Variants in PPT2 observed in about 807,000 individuals in gnomAD.
PPT2 encodes the protein palmitoyl-protein thioesterase 2, also known as lysosomal thioesterase PPT2.
A neutral mutation model predicts 37.3 loss-of-function variants in PPT2; 20 were observed. That is an observed-to-expected ratio of 0.54 (90% confidence interval 0.38 to 0.78). The LOEUF (loss-of-function observed/expected upper bound fraction) is 0.78. PPT2 is among the 30% of genes least tolerant of loss of function. The probability of loss-of-function intolerance (pLI) is 0.00; values close to 1 mark genes in which losing one functional copy is unlikely to be tolerated. For synonymous variants in PPT2, 135 were observed against 159.1 expected (o/e 0.85, Z 1.14); for missense variants, 270 against 389.8 (o/e 0.69, Z 2.59).
In PPT2 at chr6:32,154,412, A is replaced by T; in HGVS notation, c.-9+8A>T. Reference sequence around the variant, plus strand: ...GACTTCGGGTGCGCGTTGGTGCGTCAACGTGGTGGGGGGGTGTGTTTGTAG... The same window carrying T: ...GACTTCGGGTGCGCGTTGGTGCGTCTACGTGGTGGGGGGGTGTGTTTGTAG... On this transcript the variant is annotated splice_region_variant and intron_variant, in intron 1 of 8. Transcript: ENST00000324816. The surrounding 1 kb of genome is among the most constrained non-coding windows in gnomAD (Gnocchi z 7.3). 1 of 1,453,154 alleles carries T rather than the reference A, an allele frequency of 6.9e-7. No individual in the cohort carries two copies. The highest frequency in any genetic ancestry group is 1.5e-5 in the South Asian group (1 of 66,138). The allele number at this position is 1,453,154 out of a possible 1,614,324, so 90.0% of individuals were successfully genotyped here. A position where few individuals can be genotyped will look rare whatever the true frequency, so the allele number is the denominator to read the frequency against.
rs1783705657 is a variant in PPT2, at chr6:32,155,481, C to T, written c.338-207C>T. 6.6e-6 allele frequency among the ~76,000 whole-genome samples: 1 copy of T among 152,150 alleles called. No individual in the cohort carries two copies. Among genetic ancestry groups the T allele is most frequent in the African/African-American group, 2.4e-5 (1 of 41,432 alleles). Reference sequence around the variant, plus strand: ...GAGGCAGGAGGCCCAGCATCTAATTCGGGCTCAGTCACTTATATGATGTGT... The same window carrying T: ...GAGGCAGGAGGCCCAGCATCTAATTTGGGCTCAGTCACTTATATGATGTGT... On this transcript the variant is annotated intron_variant, in intron 3 of 8. Coordinates refer to ENST00000324816, the MANE Select transcript of PPT2 (RefSeq NM_005155.7). The surrounding 1 kb of genome is among the most constrained non-coding windows in gnomAD (Gnocchi z 4.3).
chr6:32,162,558 C>G lies in PPT2; in HGVS notation c.711-10C>G, dbSNP rs1256802118. 1.2e-6 allele frequency: 2 copies of G among 1,605,650 alleles called. No homozygotes were observed. Among genetic ancestry groups the G allele is most frequent in the South Asian group, 2.2e-5 (2 of 90,890 alleles). ...CTCTTCTGATAACCTCCCCCCAAAT[C>G]TCTTTGTAGCTTCTTTGGTTTCTAT... is the stretch of plus-strand genomic sequence containing the variant. On this transcript the variant is annotated splice_polypyrimidine_tract_variant and intron_variant, in intron 7 of 8. Coordinates refer to ENST00000324816, the MANE Select transcript of PPT2 (RefSeq NM_005155.7). This position sits in a 1 kb window ranked among gnomAD's most constrained non-coding sequence, Gnocchi z 5.5.
In PPT2 at chr6:32,155,217, C is replaced by T. The variant is rs779722796; in HGVS notation, c.337+34C>T. 6.2e-7 allele frequency: 1 copy of T among 1,609,222 alleles called. No individual in the cohort carries two copies. Among genetic ancestry groups the T allele is most frequent in the Non-Finnish European group, 8.5e-7 (1 of 1,176,912 alleles). On this transcript the variant is annotated intron_variant, in intron 3 of 8. Coordinates refer to ENST00000324816, the MANE Select transcript of PPT2 (RefSeq NM_005155.7). The surrounding 1 kb of genome is among the most constrained non-coding windows in gnomAD (Gnocchi z 4.3). Reference sequence around the variant, plus strand: ...CTCCCCTGCCCCTAACTCCTAAGCCCTATCTGAGGCTTGATCCTTATCTGA... The same window carrying T: ...CTCCCCTGCCCCTAACTCCTAAGCCTTATCTGAGGCTTGATCCTTATCTGA...
At chr6:32,153,549 G>A, upstream of PPT2, 1 of 1,528,260 alleles carries the variant, frequency 6.5e-7, no homozygotes. This position sits in a 1 kb window ranked among gnomAD's most constrained non-coding sequence, Gnocchi z 4.4. Flanking sequence ...GGAGAAACTG[G>A]GCCAGGCTGC....
rs1561810162 is a variant in PPT2, at chr6:32,154,431, T to A, written c.-9+27T>A. 1.4e-6 allele frequency: 2 copies of A among 1,467,524 alleles called. No individual in the cohort carries two copies. The highest frequency in any genetic ancestry group is 1.8e-6 in the Non-Finnish European group (2 of 1,115,938). 90.9% of individuals were successfully genotyped at this position (1,467,524 alleles called of 1,614,324 possible). On this transcript the variant is annotated intron_variant, in intron 1 of 8. Transcript: ENST00000324816. The surrounding 1 kb of genome is among the most constrained non-coding windows in gnomAD (Gnocchi z 7.3). ...TGCGTCAACGTGGTGGGGGGGTGTG[T>A]TTGTAGGGAGAGGGCTGGAGTAAGT...
rs756693747 is a variant in PPT2 at position 32,155,765 on chromosome 6, C to T, written c.415C>T (p.Gln139Ter). 6.2e-7 allele frequency: 1 copy of T among 1,613,936 alleles called. No homozygotes were observed. The highest frequency in any genetic ancestry group is 8.5e-7 in the Non-Finnish European group (1 of 1,179,828). Residue 139 changes from glutamine to a stop codon, truncating the protein, a stop_gained, in exon 4 of 9, where the codon CAG (glutamine) becomes TAG (stop). Coordinates refer to ENST00000324816, the MANE Select transcript of PPT2 (RefSeq NM_005155.7). LOFTEE classifies it high-confidence loss of function. This position sits in a 1 kb window ranked among gnomAD's most constrained non-coding sequence, Gnocchi z 4.3. ...TTCTTTCATCTCCCTCTCCTCTCCA[C>T]AGATGGGACAGTATGGAGGTGAGTG... ...VDSFISLSSP[Q>*]MGQYGDTDYL...
chr6:32,160,096 G>C (rs1784056261), intron 7 of PPT2, among the ~76,000 whole-genome samples: 1 of 151,696 alleles, frequency 6.6e-6, no homozygotes, highest in South Asian at 2.1e-4. Context: ...CCAGGCTGGA[G>C]TGCAGTGGCG....
At position 32,154,578 on chromosome 6, in the gene PPT2, C is replaced by T. The variant is rs1439237962; in HGVS notation, c.-8-9C>T. 1 of 1,605,856 alleles carries T rather than the reference C, an allele frequency of 6.2e-7. No homozygotes were observed. The highest frequency in any genetic ancestry group is 1.3e-5 in the African/African-American group (1 of 74,764). ...TCTCCCTCACATGCCCTTATCACCC[C>T]TTTCTCAGGCGGGAGCATGCTGGGG... is the stretch of plus-strand genomic sequence containing the variant. On this transcript the variant is annotated splice_polypyrimidine_tract_variant and intron_variant, in intron 1 of 8. Coordinates refer to ENST00000324816, the MANE Select transcript of PPT2 (RefSeq NM_005155.7). This position sits in a 1 kb window ranked among gnomAD's most constrained non-coding sequence, Gnocchi z 7.3.
At chr6:32,161,316 G>A (rs1784139683) in intron 7 of PPT2, among the ~76,000 whole-genome samples, 1 of 152,118 alleles carries the variant, frequency 6.6e-6, no homozygotes, top group Non-Finnish European at 1.5e-5. Flanking sequence ...TTGAGTTGGA[G>A]TTTCACTCTT....
chr6:32,157,227 T>A (rs920611199), intron 5 of PPT2: 3 of 207,406 alleles, frequency 1.4e-5, no homozygotes, highest in Non-Finnish European at 3.0e-5. Context: ...TTATCACTAC[T>A]ATTATTATTT....
At chr6:32,154,059 A>T, upstream of PPT2, 1 of 1,103,472 alleles carries the variant, frequency 9.1e-7, no homozygotes, top group South Asian at 3.6e-5. The surrounding 1 kb of genome is among the most constrained non-coding windows in gnomAD (Gnocchi z 7.3). Context: ...GTTGCGGGGA[A>T]CGCTCGCGCG....
Position 32,154,900 on chromosome 6 carries a change from G to T in PPT2, c.183+123G>T. ...AGTTCCTCAGGGAGCTGGTGCTGGC[G>T]TGGGGGAGAGTTGGGGGACGGGATC... is the stretch of plus-strand genomic sequence containing the variant. On this transcript the variant is annotated intron_variant, in intron 2 of 8. Coordinates refer to ENST00000324816, the MANE Select transcript of PPT2 (RefSeq NM_005155.7). This position sits in a 1 kb window ranked among gnomAD's most constrained non-coding sequence, Gnocchi z 7.3. 6.5e-7 allele frequency: 1 copy of T among 1,529,980 alleles called. No homozygotes were observed. The highest frequency in any genetic ancestry group is 1.2e-5 in the South Asian group (1 of 83,204). The allele number at this position is 1,529,980 out of a possible 1,614,324, so 94.8% of individuals were successfully genotyped here.
rs1279017910 is a variant in PPT2 at position 32,155,570 on chromosome 6, GTCTGTGTGTGTC to G, written c.338-106_338-95del. ...TCAGTCTCCTTTGTGTACAGTGTGT[GTCTGTGTGTGTC>G]TCTGTGTGTGTGTGTGTGTGTGTGT... On this transcript the variant is annotated intron_variant, in intron 3 of 8. Coordinates refer to ENST00000324816, the MANE Select transcript of PPT2 (RefSeq NM_005155.7). The surrounding 1 kb of genome is among the most constrained non-coding windows in gnomAD (Gnocchi z 4.3). 3.6e-5 allele frequency: 30 copies of G among 837,852 alleles called. No individual in the cohort carries two copies. In the African/African-American group the frequency reaches 3.8e-4, roughly 11 times the overall value. 51.9% of individuals were successfully genotyped at this position (837,852 alleles called of 1,614,324 possible).
chr6:32,163,210 C>T lies in PPT2; in HGVS notation c.*260C>T, dbSNP rs906701381. ...ATTGCTCCGTGCTGTCCCTTTCTCTCAAGGCCGAAGTTGGGAAGTGAGAAA... is the reference window on the plus strand; with the variant it reads ...ATTGCTCCGTGCTGTCCCTTTCTCTTAAGGCCGAAGTTGGGAAGTGAGAAA... On this transcript the variant is annotated 3_prime_UTR_variant, in exon 9 of 9. Transcript: ENST00000324816. 2 of 465,670 alleles carry T rather than the reference C, an allele frequency of 4.3e-6. No individual in the cohort carries two copies. The highest frequency in any genetic ancestry group is 2.0e-5 in the African/African-American group (1 of 50,836). 28.8% of individuals were successfully genotyped at this position (465,670 alleles called of 1,614,324 possible).
chr6:32,158,005 G>GCGACCACCGAGATCTACA, intron 7 of PPT2, 81 bp downstream of exon 7: 1 of 1,238,898 alleles, frequency 8.1e-7, no homozygotes, highest in South Asian at 1.4e-5. Context: ...GCCTAAACTG[G>GCGACCACCGAGATCTACA]CCTGCTCCTT....
chr6:32,162,910 G>A lies in PPT2; in HGVS notation c.869G>A (p.Arg290His), dbSNP rs1178671541. ...GISHTAWHSN[R>H]TLYETCIEPW... The stretch of plus-strand genomic sequence containing the variant: ...TCCCACACAGCCTGGCACTCCAACC[G>A]TACCCTTTATGAGACCTGCATTGAA... The change falls in exon 9 of 9, where the codon CGT becomes CAT. Residue 290 changes from arginine to histidine, a missense_variant. Physicochemically the swap from Arg to His is conservative, Grantham distance 29 (BLOSUM62 0). Coordinates refer to ENST00000324816, the MANE Select transcript of PPT2 (RefSeq NM_005155.7). The surrounding 1 kb of genome is among the most constrained non-coding windows in gnomAD (Gnocchi z 5.5). 4.3e-6 allele frequency: 7 copies of A among 1,613,906 alleles called. No homozygotes were observed. Among genetic ancestry groups the A allele is most frequent in the South Asian group, 2.2e-5 (2 of 91,084 alleles).
Position 32,162,951 on chromosome 6 carries a change from G to A in PPT2, c.*1G>A. The stretch of plus-strand genomic sequence containing the variant: ...CTGCATTGAACCTTGGCTCTCCTGA[G>A]GATATATTCAGGGGTCCCCAGGAAC... On this transcript the variant is annotated 3_prime_UTR_variant, in exon 9 of 9. Transcript: ENST00000324816. This position sits in a 1 kb window ranked among gnomAD's most constrained non-coding sequence, Gnocchi z 5.5. The A allele has an allele frequency of 3.7e-6, 6 of 1,610,796 alleles. No homozygotes were observed. In the Middle Eastern group the frequency reaches 1.0e-3, roughly 272 times the overall value.
Position 32,154,385 on chromosome 6 carries a change from G to A in PPT2, c.-28G>A. On this transcript the variant is annotated 5_prime_UTR_variant, in exon 1 of 9. Coordinates refer to ENST00000324816, the MANE Select transcript of PPT2 (RefSeq NM_005155.7). This position sits in a 1 kb window ranked among gnomAD's most constrained non-coding sequence, Gnocchi z 7.3. ...GTCCCCCGAACGCTGAGTTGGAGGC[G>A]GGACTTCGGGTGCGCGTTGGTGCGT... The A allele has an allele frequency of 7.0e-7, 1 of 1,433,768 alleles. No homozygotes were observed. The highest frequency in any genetic ancestry group is 9.1e-7 in the Non-Finnish European group (1 of 1,098,874). 88.8% of individuals were successfully genotyped at this position (1,433,768 alleles called of 1,614,324 possible).
chr6:32,158,027 T>G, intron 7 of PPT2, 103 bp downstream of exon 7: 1 of 979,674 alleles, frequency 1.0e-6, no homozygotes, highest in South Asian at 1.6e-5. Flanking sequence ...CACTGTTCAG[T>G]TAGTGCTCCT....
Sources: allele counts gnomAD v4.1 joint callset (sites outside exome capture counted in the v4.1 genomes callset), GRCh38; gene constraint gnomAD v4.1.1; non-coding constraint Gnocchi (gnomAD v3.1); transcripts MANE v1.5; gene names NCBI Gene and HGNC (gene_info 2026-07-23, HGNC 2026-07-21).